The following GPATCH2 variants were observed in gnomAD, a reference collection of about 807,000 sequenced individuals.
GPATCH2 encodes the protein G patch domain-containing protein 2.
Under a neutral mutation model 58.0 loss-of-function variants are expected in GPATCH2, and 51 were observed. That is an observed-to-expected ratio of 0.88 (90% CI 0.70 to 1.11). The LOEUF is 1.11. GPATCH2 is among the 50% of genes most tolerant of loss of function. The pLI is 0.00. For synonymous variants in GPATCH2, 222 were observed against 218.5 expected (o/e 1.02, Z -0.14); for missense variants, 625 against 652.2 (o/e 0.96, Z 0.45).
At chr1:217,456,351 T>C (rs1365632903) in intron 8 of GPATCH2, among the ~76,000 whole-genome samples, 1 of 152,114 alleles carries the variant, frequency 6.6e-6, no homozygotes, top group East Asian at 1.9e-4. Context: ...TGTTAGGGGT[T>C]TGAGGGCACA....
chr1:217,552,531 T>C (rs1665415362), intron 5 of GPATCH2, among the ~76,000 whole-genome samples: 1 of 152,096 alleles, frequency 6.6e-6, no homozygotes, highest in African/African-American at 2.4e-5. Context: ...AGCTGGACAG[T>C]GATGAAAAGT....
chr1:217,435,976 TA>T (rs1320922585), intron 9 of GPATCH2, among the ~76,000 whole-genome samples: 5 of 152,194 alleles, frequency 3.3e-5, no homozygotes, highest in Non-Finnish European at 7.3e-5. Context: ...GTTAAGTGCA[TA>T]AATATATGAT....
intron 8 of GPATCH2, among the ~76,000 whole-genome samples, chr1:217,475,491 T>C (rs1267487416): frequency 6.6e-6 from 1 of 152,080 alleles, no homozygotes; most frequent in Non-Finnish European, 1.5e-5. Context: ...AGAGGAGATC[T>C]TGGAAATGAA....
chr1:217,630,935 G>C lies in GPATCH2; in HGVS notation c.37C>G (p.Pro13Ala), dbSNP rs1264453508. 1 of 1,590,668 alleles carries C rather than the reference G, an allele frequency of 6.3e-7. No individual in the cohort carries two copies. The change falls in exon 1 of 10, where the codon CCA (proline) becomes GCA (alanine). Residue 13 changes from proline (P) to alanine (A), a missense_variant. Transcript: ENST00000366935. ...CCTCACCAGCTGTTCCCGGCTGCTG[G>C]AGCTCCGATCGGTTGGCGCCCGGCG... ...GAAGRQPIGAPAAGNSWHFSR... is the reference protein window; with the variant it reads ...GAAGRQPIGAAAAGNSWHFSR...
chr1:217,451,760 A>C (rs1026069844), intron 8 of GPATCH2, among the ~76,000 whole-genome samples: 2 of 152,216 alleles, frequency 1.3e-5, no homozygotes, highest in Non-Finnish European at 1.5e-5. Flanking sequence ...TACCATTCTG[A>C]AAACAGGGAA....
intron 5 of GPATCH2, among the ~76,000 whole-genome samples, chr1:217,594,158 C>T (rs2102774471): frequency 6.6e-6 from 1 of 152,154 alleles, no homozygotes; most frequent in African/African-American, 2.4e-5. Flanking sequence ...ATATGTGATG[C>T]ATATTTGTTC....
intron 5 of GPATCH2, among the ~76,000 whole-genome samples, chr1:217,606,070 T>A (rs1558519699): frequency 6.6e-6 from 1 of 151,998 alleles, no homozygotes; most frequent in African/African-American, 2.4e-5. Flanking sequence ...CACAAAAATC[T>A]CAGGACTCTG....
chr1:217,439,707 C>T (rs1428121492), intron 9 of GPATCH2, among the ~76,000 whole-genome samples: 12 of 152,136 alleles, frequency 7.9e-5, no homozygotes, highest in African/African-American at 1.2e-4. Context: ...CACAGATATA[C>T]AAAATACCAT....
At chr1:217,581,086 C>T (rs1053344504) in intron 5 of GPATCH2, among the ~76,000 whole-genome samples, 3 of 151,500 alleles carry the variant, frequency 2.0e-5, no homozygotes, top group Admixed American at 1.3e-4. Context: ...TCAGAATTGA[C>T]ATTTTAACAA....
intron 5 of GPATCH2, among the ~76,000 whole-genome samples, chr1:217,536,811 C>T (rs568918138): frequency 5.2e-4 from 79 of 152,190 alleles, no homozygotes; most frequent in African/African-American, 1.8e-3. Context: ...CCCGTCTCTA[C>T]TGAAAAAATA....
intron 5 of GPATCH2, among the ~76,000 whole-genome samples, chr1:217,518,383 G>A (rs1663281562): frequency 6.6e-6 from 1 of 152,132 alleles, no homozygotes; most frequent in Non-Finnish European, 1.5e-5. Context: ...CAAAATGTCT[G>A]TTCTCTCAAA....
intron 9 of GPATCH2, among the ~76,000 whole-genome samples, chr1:217,442,618 C>T (rs571310411): frequency 1.8e-4 from 26 of 141,648 alleles, no homozygotes; most frequent in Non-Finnish European, 2.4e-4. Flanking sequence ...TCTAAACAAG[C>T]ATAGCAAATC....
At chr1:217,622,849 T>C (rs144122254) in intron 1 of GPATCH2, among the ~76,000 whole-genome samples, 1 of 152,164 alleles carries the variant, frequency 6.6e-6, no homozygotes, top group Admixed American at 6.5e-5. Context: ...GCCCCACAAA[T>C]CAGGATTTAG....
intron 3 of GPATCH2, among the ~76,000 whole-genome samples, chr1:217,612,974 T>C (rs1668702813): frequency 6.6e-6 from 1 of 152,178 alleles, no homozygotes; most frequent in African/African-American, 2.4e-5. Flanking sequence ...GGCATATCAT[T>C]CTAAGCCTTT....
intron 8 of GPATCH2, among the ~76,000 whole-genome samples, chr1:217,477,737 T>C (rs774248633): frequency 1.3e-5 from 2 of 152,116 alleles, no homozygotes; most frequent in East Asian, 3.9e-4. Flanking sequence ...CAGTGGAGTA[T>C]AACAGAACAC....
chr1:217,513,825 C>CT (rs567793120), intron 6 of GPATCH2, among the ~76,000 whole-genome samples: 2,811 of 141,926 alleles, frequency 0.02, 26 homozygotes, highest in Middle Eastern at 0.068. Flanking sequence ...GAAAACCAGT[C>CT]TTTTTTTTTT....
At chr1:217,622,094 T>C (rs553086390) in intron 1 of GPATCH2, among the ~76,000 whole-genome samples, 1 of 152,348 alleles carries the variant, frequency 6.6e-6, no homozygotes, top group East Asian at 1.9e-4. Flanking sequence ...GTGGCCAGTT[T>C]GTATTTTTGT....
At chr1:217,550,067 A>T (rs1373990190) in intron 5 of GPATCH2, among the ~76,000 whole-genome samples, 2 of 152,084 alleles carry the variant, frequency 1.3e-5, no homozygotes, top group Non-Finnish European at 2.9e-5. Context: ...CCTAAATACT[A>T]TATATTTTTC....
At chr1:217,549,995 G>GTGTT (rs1665268183) in intron 5 of GPATCH2, among the ~76,000 whole-genome samples, 2 of 152,002 alleles carry the variant, frequency 1.3e-5, no homozygotes, top group Non-Finnish European at 2.9e-5. Context: ...AACTCTGTAA[G>GTGTT]GAATAACTGT....
Sources: allele counts gnomAD v4.1 joint callset (sites outside exome capture counted in the v4.1 genomes callset), GRCh38; gene constraint gnomAD v4.1.1; transcripts MANE v1.5; gene names NCBI Gene and HGNC (gene_info 2026-07-23, HGNC 2026-07-21).